ADGRL2: variants seen among roughly 807,000 people sequenced by gnomAD.
The protein encoded by ADGRL2 is adhesion G protein-coupled receptor L2.
In ADGRL2, 44 loss-of-function variants were observed where a neutral mutation model predicts 157.4. The ratio of observed to expected loss-of-function variants is 0.28; its 90% CI spans 0.22 to 0.36. ADGRL2 has a LOEUF of 0.36. ADGRL2 is among the 10% of genes least tolerant of loss of function. The probability of loss-of-function intolerance (pLI) is 1.00; values close to 1 mark genes in which losing one functional copy is unlikely to be tolerated. For missense variants in ADGRL2, 1,510 were observed against 1,768.9 expected (o/e 0.85, Z 2.63); for synonymous variants, 585 against 624.7 (o/e 0.94, Z 0.95).
chr1:81,833,658 GTGT>G, intron 1 of ADGRL2, among the ~76,000 whole-genome samples: 1 of 152,270 alleles, frequency 6.6e-6, no homozygotes, highest in African/African-American at 2.4e-5. Flanking sequence ...TTAGTTAGCG[GTGT>G]TGTCCTTTTA....
intron 3 of ADGRL2, among the ~76,000 whole-genome samples, chr1:81,581,412 C>T (rs535692021): frequency 6.6e-6 from 1 of 152,260 alleles, no homozygotes; most frequent in South Asian, 2.1e-4. Flanking sequence ...TCAGATTCAG[C>T]AGCTCCACTA....
At position 81,921,520 on chromosome 1, in the gene ADGRL2, C is replaced by T. The variant is rs552526557; in HGVS notation, c.287+14290C>T. 3.3e-5 allele frequency among the ~76,000 whole-genome samples: 5 copies of T among 152,260 alleles called. No homozygotes were observed. In the South Asian group the frequency reaches 6.2e-4, roughly 19 times the overall value. On this transcript the variant is annotated intron_variant, in intron 3 of 23. Transcript: ENST00000686636. ...TTTATATCTGTGGCATAAGAGTGCA[C>T]GTTAGCTTTCAGAAGAGCACAACAT...
intron 3 of ADGRL2, among the ~76,000 whole-genome samples, chr1:81,583,749 A>G (rs986648233): frequency 3.3e-5 from 5 of 152,292 alleles, no homozygotes; most frequent in African/African-American, 1.2e-4. Flanking sequence ...TAAAGGAACT[A>G]GAAAGCTTAT....
At chr1:81,479,023 C>A (rs2078329824) in intron 2 of ADGRL2, among the ~76,000 whole-genome samples, 1 of 152,056 alleles carries the variant, frequency 6.6e-6, no homozygotes. Context: ...GTATTTAACT[C>A]ATTTCTTTAT....
rs1664572252 is a variant in ADGRL2, at chr1:81,991,351, G to A, written c.*206G>A. The A allele has an allele frequency of 2.5e-6, 1 of 392,584 alleles. No individual in the cohort carries two copies. The highest frequency in any genetic ancestry group is 2.0e-5 in the African/African-American group (1 of 49,014). 24.3% of individuals were successfully genotyped at this position (392,584 alleles called of 1,614,324 possible). A position where few individuals can be genotyped will look rare whatever the true frequency, so the allele number is the denominator to read the frequency against. On this transcript the variant is annotated 3_prime_UTR_variant, in exon 24 of 24. Transcript: ENST00000686636. The stretch of plus-strand genomic sequence containing the variant: ...TTGTATATACACAGAGTATACTAAA[G>A]TGAATTATTTGTTACAAAGAAAAGA...
intron 2 of ADGRL2, among the ~76,000 whole-genome samples, chr1:81,541,577 C>A (rs1188052644): frequency 6.6e-6 from 1 of 152,108 alleles, no homozygotes; most frequent in African/African-American, 2.4e-5. Flanking sequence ...TTATAAGAAA[C>A]TGATTAAATT....
At chr1:81,861,747 G>A (rs1191997667) in intron 2 of ADGRL2, among the ~76,000 whole-genome samples, 4 of 152,076 alleles carry the variant, frequency 2.6e-5, no homozygotes, top group Admixed American at 6.6e-5. Context: ...AAACTAGCCA[G>A]TTGTGGTGGC....
intron 1 of ADGRL2, among the ~76,000 whole-genome samples, chr1:81,428,551 G>T (rs147804776): frequency 4.1e-4 from 62 of 152,260 alleles, no homozygotes; most frequent in African/African-American, 1.2e-3. Context: ...GGGTCAGATG[G>T]TTGAAGCTTA....
chr1:81,477,284 T>G (rs1266554705), intron 2 of ADGRL2, among the ~76,000 whole-genome samples: 1 of 152,218 alleles, frequency 6.6e-6, no homozygotes, highest in Non-Finnish European at 1.5e-5. Context: ...TGTCATATCG[T>G]AAAGCCAGAA....
intron 2 of ADGRL2, among the ~76,000 whole-genome samples, chr1:81,862,086 T>C (rs1005076709): frequency 6.6e-6 from 1 of 152,108 alleles, no homozygotes; most frequent in Non-Finnish European, 1.5e-5. Flanking sequence ...TTTTGCTTGC[T>C]GAAGTTAAAA....
At chr1:81,746,452 A>T (rs1412305427) in intron 1 of ADGRL2, among the ~76,000 whole-genome samples, 1 of 151,928 alleles carries the variant, frequency 6.6e-6, no homozygotes, top group Admixed American at 6.6e-5. Flanking sequence ...ACCACACCTG[A>T]CTAATTTTTC....
intron 2 of ADGRL2, among the ~76,000 whole-genome samples, chr1:81,532,466 C>T (rs984196895): frequency 2.6e-5 from 4 of 151,954 alleles, no homozygotes; most frequent in African/African-American, 9.7e-5. Context: ...AACGTAAGCA[C>T]TAAGCTTTTA....
At chr1:81,845,724 T>A (rs564953792) in intron 2 of ADGRL2, among the ~76,000 whole-genome samples, 1 of 151,804 alleles carries the variant, frequency 6.6e-6, no homozygotes, top group Non-Finnish European at 1.5e-5. Context: ...CTTTTTTCAT[T>A]TTTATTATAA....
chr1:81,683,891 G>T (rs968426918), intron 3 of ADGRL2, among the ~76,000 whole-genome samples: 1 of 151,652 alleles, frequency 6.6e-6, no homozygotes, highest in Middle Eastern at 3.4e-3. Flanking sequence ...ATCTCGGCTC[G>T]CTGCAACCTC....
intron 1 of ADGRL2, chr1:81,722,465 G>C: frequency 6.7e-7 from 1 of 1,491,988 alleles, no homozygotes; most frequent in Non-Finnish European, 9.2e-7. Context: ...GAGGGCCAGC[G>C]TTTTCGTCAA....
intron 5 of ADGRL2, 41 bp from the exon 6 acceptor site, chr1:81,942,928 T>C (rs1211478245): frequency 6.7e-7 from 1 of 1,500,516 alleles, no homozygotes; most frequent in Middle Eastern, 1.8e-4. Context: ...TGTGTAATTT[T>C]TTAACTTGGC....
At chr1:81,433,561 G>A (rs868444119) in intron 1 of ADGRL2, among the ~76,000 whole-genome samples, 2 of 152,312 alleles carry the variant, frequency 1.3e-5, no homozygotes, top group Middle Eastern at 6.8e-3. Context: ...GTTTTGGGGA[G>A]AGTTTAAAAT....
chr1:81,689,279 TA>T (rs1411357345), intron 3 of ADGRL2, among the ~76,000 whole-genome samples: 3 of 152,246 alleles, frequency 2.0e-5, no homozygotes, highest in African/African-American at 4.8e-5. Flanking sequence ...ATCTCTGACC[TA>T]TAGCCATGCT....
At chr1:81,816,923 A>C (rs1442504539) in intron 1 of ADGRL2, among the ~76,000 whole-genome samples, 1 of 151,392 alleles carries the variant, frequency 6.6e-6, no homozygotes, top group Non-Finnish European at 1.5e-5. Flanking sequence ...TTATTTTGTT[A>C]ATGGTATCTC....
Sources: gnomAD v4.1 joint callset for allele counts (sites outside exome capture counted in the v4.1 genomes callset) on GRCh38, gnomAD v4.1.1 for gene constraint, MANE v1.5 for transcripts, NCBI Gene and HGNC (gene_info 2026-07-23, HGNC 2026-07-21) for gene names.